The following NT5DC3 variants were observed in gnomAD, a reference collection of about 807,000 sequenced individuals.
NT5DC3 encodes 5'-nucleotidase domain-containing protein 3.
NT5DC3 carries 42 observed loss-of-function variants against 67.8 expected under a neutral mutation model. The ratio of observed to expected loss-of-function variants is 0.62; its 90% CI spans 0.48 to 0.80. The LOEUF (loss-of-function observed/expected upper bound fraction) is 0.80. Ranked by LOEUF, NT5DC3 falls within the 30% of genes least tolerant of loss-of-function variation. The pLI is 0.00. For missense variants in NT5DC3, 570 were observed against 696.4 expected (o/e 0.82, Z 2.04); for synonymous variants, 237 against 255.6 (o/e 0.93, Z 0.69).
chr12:103,764,879 C>G, the NT5DC3 span, among the ~76,000 whole-genome samples: 1 of 151,814 alleles, frequency 6.6e-6, no homozygotes, highest in Admixed American at 6.6e-5. Flanking sequence ...AGGTGGATCA[C>G]CTGAGGTCAA....
chr12:103,801,124 G>A lies in NT5DC3; in HGVS notation c.525-2447C>T, dbSNP rs575165720. On this transcript the variant is annotated intron_variant, in intron 4 of 13. Transcript: ENST00000392876. ...CCAGCTGGCAGCACTCACTCCTGTG[G>A]GCCAAACATCATAAAATTCACCCTG... 3.3e-5 allele frequency among the ~76,000 whole-genome samples: 5 copies of A among 152,106 alleles called. No individual in the cohort carries two copies. In the South Asian group the frequency reaches 1.0e-3, roughly 32 times the overall value.
rs201632707 is a variant in NT5DC3, at chr12:103,785,751, T to TAAAAAA, written c.1189-282_1189-277dup. ...GTCTGGAATCATTAACCATGGTCTG[T>TAAAAAA]AAAAAAAAAAAAAAAAAAAAAAAAA... On this transcript the variant is annotated intron_variant, in intron 11 of 13. Coordinates refer to ENST00000392876, the MANE Select transcript of NT5DC3 (RefSeq NM_001031701.3). 3.8e-4 allele frequency: 140 copies of TAAAAAA among 367,190 alleles called. 1 individual carries two copies. Among genetic ancestry groups the TAAAAAA allele is most frequent in the Non-Finnish European group, 5.4e-4 (107 of 197,902 alleles). The allele number at this position is 367,190 out of a possible 1,614,324, so 22.7% of individuals were successfully genotyped here.
intron 1 of NT5DC3, among the ~76,000 whole-genome samples, chr12:103,825,800 A>G (rs1006346015): frequency 1.3e-5 from 2 of 152,344 alleles, no homozygotes; most frequent in East Asian, 3.9e-4. Flanking sequence ...TCGAATGATC[A>G]AAAAATAGGC....
chr12:103,812,025 C>T (rs2139410840), intron 2 of NT5DC3, among the ~76,000 whole-genome samples: 1 of 151,956 alleles, frequency 6.6e-6, no homozygotes. Flanking sequence ...AAATCAAGAG[C>T]TCTCTACCCC....
At chr12:103,756,304 C>A in the NT5DC3 span, among the ~76,000 whole-genome samples, 11 of 152,298 alleles carry the variant, frequency 7.2e-5, no homozygotes, top group Admixed American at 3.3e-4. Flanking sequence ...AAGAACTGAC[C>A]TAACAGTAAT....
rs753690456 is a variant in NT5DC3, at chr12:103,788,912, G to A, written c.1027C>T (p.Arg343Ter). 6.2e-6 allele frequency: 10 copies of A among 1,610,116 alleles called. No homozygotes were observed. Among genetic ancestry groups the A allele is most frequent in the South Asian group, 2.2e-5 (2 of 91,006 alleles). The change falls in exon 10 of 14, where the codon CGA becomes TGA. Residue 343 changes from arginine to a stop codon, truncating the protein, a stop_gained. Transcript: ENST00000392876. LOFTEE classifies it high-confidence loss of function. ...AAGACACCTTTCTCATTCATCTTTC[G>A]GAAAGGCCTAACAACAGAAATGGGA... ...NFFNDKRRPF[R>*]KMNEKGVLLW... is the part of the protein sequence containing the mutation.
At chr12:103,779,655 G>T (rs1011840736) in intron 13 of NT5DC3, among the ~76,000 whole-genome samples, 1 of 152,116 alleles carries the variant, frequency 6.6e-6, no homozygotes, top group Non-Finnish European at 1.5e-5. Context: ...AGTAACCACT[G>T]TTTCCAAAGC....
chr12:103,839,539 C>A (rs1439339904), intron 1 of NT5DC3, among the ~76,000 whole-genome samples: 1 of 152,150 alleles, frequency 6.6e-6, no homozygotes, highest in Non-Finnish European at 1.5e-5. Flanking sequence ...CACACCTGGC[C>A]CCTCTATTAA....
chr12:103,763,839 C>G, the NT5DC3 span: 332,026 of 418,928 alleles, frequency 0.79, 132,431 homozygotes, highest in South Asian at 0.93. Flanking sequence ...CAGAGACAGG[C>G]GAGAACAAGA....
chr12:103,834,347 G>T (rs1420222236), intron 1 of NT5DC3, among the ~76,000 whole-genome samples: 1 of 152,130 alleles, frequency 6.6e-6, no homozygotes, highest in Non-Finnish European at 1.5e-5. Context: ...AAGGAAAAAG[G>T]AAAACATTCC....
At position 103,815,100 on chromosome 12, in the gene NT5DC3, C is replaced by T. The variant is rs138074283; in HGVS notation, c.230G>A (p.Ser77Asn). The change falls in exon 2 of 14, where the codon AGC (serine) becomes AAC (asparagine). Residue 77 changes from serine to asparagine, a missense_variant. Physicochemically the swap from Ser to Asn is conservative, Grantham distance 46 (BLOSUM62 1). Around this residue, in one of 2 missense-constraint regions of NT5DC3, gnomAD observed 466 missense variants for 608.0 expected, o/e 0.77. Coordinates refer to ENST00000392876, the MANE Select transcript of NT5DC3 (RefSeq NM_001031701.3). Reference sequence around the variant, plus strand: ...AATGGCATCTGGATTCAACAAGTTGCTCATAATGGAAGGAACCAATTCTGG... The same window carrying T: ...AATGGCATCTGGATTCAACAAGTTGTTCATAATGGAAGGAACCAATTCTGG... ...STEELVPSIM[S>N]NLLNPDAIFS... is the part of the protein sequence containing the mutation. 1.4e-5 allele frequency: 23 copies of T among 1,609,874 alleles called. No individual in the cohort carries two copies. Among genetic ancestry groups the T allele is most frequent in the Non-Finnish European group, 1.9e-5 (22 of 1,177,832 alleles).
the NT5DC3 span, among the ~76,000 whole-genome samples, chr12:103,751,699 T>C: frequency 6.6e-6 from 1 of 152,192 alleles, no homozygotes; most frequent in Admixed American, 6.5e-5. Context: ...GCTTTTTCTT[T>C]AGGACACAGT....
Sources: gnomAD v4.1 joint callset for allele counts (sites outside exome capture counted in the v4.1 genomes callset) on GRCh38, gnomAD v4.1.1 for gene constraint, gnomAD v4.1.1 regional missense constraint, MANE v1.5 for transcripts, NCBI Gene and HGNC (gene_info 2026-07-23, HGNC 2026-07-21) for gene names.